POFUT3: variants seen among roughly 807,000 people sequenced by gnomAD.
POFUT3 encodes protein O-fucosyltransferase 3.
the POFUT3 span, among the ~76,000 whole-genome samples, chr8:33,313,450 T>C: frequency 6.6e-6 from 1 of 152,168 alleles, no homozygotes; most frequent in Admixed American, 6.6e-5. Context: ...CTTCGCCCTC[T>C]TTGGAGCTAA....
chr8:33,348,071 G>A, the POFUT3 span, among the ~76,000 whole-genome samples: 2 of 151,786 alleles, frequency 1.3e-5, no homozygotes, highest in Admixed American at 1.3e-4. Context: ...TCAGCCACTC[G>A]GGAGGCTGAA....
At chr8:33,339,979 CA>C in the POFUT3 span, among the ~76,000 whole-genome samples, 1 of 151,942 alleles carries the variant, frequency 6.6e-6, no homozygotes. Flanking sequence ...AAAAAATGAA[CA>C]AAAAACCCTC....
the POFUT3 span, among the ~76,000 whole-genome samples, chr8:33,346,163 GA>G: frequency 2.7e-4 from 38 of 138,408 alleles, 1 homozygote; most frequent in Middle Eastern, 7.8e-3. Flanking sequence ...GCAGTGGAAA[GA>G]AAAAAAAAAA....
At chr8:33,470,978 A>G in the POFUT3 span, among the ~76,000 whole-genome samples, 1 of 152,150 alleles carries the variant, frequency 6.6e-6, no homozygotes, top group African/African-American at 2.4e-5. Flanking sequence ...ATTGTATATA[A>G]CAGGTTTAGG....
the POFUT3 span, among the ~76,000 whole-genome samples, chr8:33,387,734 G>A: frequency 6.6e-6 from 1 of 152,172 alleles, no homozygotes; most frequent in Admixed American, 6.6e-5. Context: ...AACCTGGGAG[G>A]TGGAGGTTGC....
chr8:33,335,354 C>A, the POFUT3 span, among the ~76,000 whole-genome samples: 1 of 152,026 alleles, frequency 6.6e-6, no homozygotes, highest in Admixed American at 6.6e-5. Context: ...CATGTTTTGA[C>A]AAACAGACTA....
At chr8:33,402,561 T>C in the POFUT3 span, among the ~76,000 whole-genome samples, 1 of 152,172 alleles carries the variant, frequency 6.6e-6, no homozygotes, top group Admixed American at 6.5e-5. Flanking sequence ...ACATGTCTCA[T>C]CACTGAAACA....
chr8:33,409,155 T>C, the POFUT3 span, among the ~76,000 whole-genome samples: 1 of 152,196 alleles, frequency 6.6e-6, no homozygotes, highest in East Asian at 1.9e-4. Context: ...CAGGCTGGTG[T>C]GTAGTGTCAC....
At chr8:33,364,668 C>T in the POFUT3 span, among the ~76,000 whole-genome samples, 2 of 152,120 alleles carry the variant, frequency 1.3e-5, no homozygotes, top group Non-Finnish European at 1.5e-5. Context: ...TTCACAATTG[C>T]TACAAAGAGA....
chr8:33,413,266 T>C, the POFUT3 span, among the ~76,000 whole-genome samples: 1 of 152,138 alleles, frequency 6.6e-6, no homozygotes, highest in Admixed American at 6.5e-5. Flanking sequence ...GATGAGGTCA[T>C]GACACTGGAG....
chr8:33,318,130 G>T, the POFUT3 span, among the ~76,000 whole-genome samples: 2 of 152,038 alleles, frequency 1.3e-5, no homozygotes, highest in African/African-American at 4.8e-5. Context: ...CATTGGACCA[G>T]CTTCTACGTC....
At chr8:33,368,772 G>A in the POFUT3 span, among the ~76,000 whole-genome samples, 32 of 152,296 alleles carry the variant, frequency 2.1e-4, no homozygotes, top group African/African-American at 7.7e-4. Context: ...TCAGTGTACT[G>A]CATTTATGTG....
At chr8:33,423,818 TAAAAAAAAAAA>T in the POFUT3 span, among the ~76,000 whole-genome samples, 11 of 70,146 alleles carry the variant, frequency 1.6e-4, 1 homozygote, top group South Asian at 4.9e-3. Flanking sequence ...GCACACCAAG[TAAAAAAAAAAA>T]AAAAAAAAAA....
At chr8:33,446,876 C>T in the POFUT3 span, among the ~76,000 whole-genome samples, 1 of 152,168 alleles carries the variant, frequency 6.6e-6, no homozygotes, top group Non-Finnish European at 1.5e-5. Flanking sequence ...AGAGGTCTGA[C>T]CCTTGAGAGG....
chr8:33,434,165 G>T, the POFUT3 span, among the ~76,000 whole-genome samples: 1 of 152,022 alleles, frequency 6.6e-6, no homozygotes, highest in African/African-American at 2.4e-5. Flanking sequence ...GGAGGCTGAG[G>T]CAGGAGAATC....
At chr8:33,455,582 G>A in the POFUT3 span, among the ~76,000 whole-genome samples, 1 of 152,208 alleles carries the variant, frequency 6.6e-6, no homozygotes, top group Non-Finnish European at 1.5e-5. Flanking sequence ...ATAGAAATAT[G>A]CTGGAGAAAG....
At chr8:33,360,865 G>A in the POFUT3 span, 6 of 152,138 alleles carry the variant, frequency 3.9e-5, no homozygotes, top group African/African-American at 1.4e-4. Context: ...CAGCAGACAC[G>A]TTTTAATTTT....
chr8:33,362,700 C>A, the POFUT3 span, among the ~76,000 whole-genome samples: 2 of 152,100 alleles, frequency 1.3e-5, no homozygotes, highest in Non-Finnish European at 2.9e-5. Flanking sequence ...GTAAAGGGAT[C>A]AATTCAACAA....
the POFUT3 span, chr8:33,361,449 CT>C: frequency 2.0e-5 from 3 of 152,334 alleles, no homozygotes; most frequent in African/African-American, 7.2e-5. Context: ...ATACAATCCA[CT>C]TGTATCACAT....
Sources: gnomAD v4.1 joint callset for allele counts (sites outside exome capture counted in the v4.1 genomes callset) on GRCh38, gnomAD v4.1.1 for gene constraint, MANE v1.5 for transcripts, NCBI Gene and HGNC (gene_info 2026-07-23, HGNC 2026-07-21) for gene names.